The following PDE6A variants were observed in gnomAD, a reference collection of about 807,000 sequenced individuals.
PDE6A encodes the protein rod cGMP-specific 3',5'-cyclic phosphodiesterase subunit alpha.
A neutral mutation model predicts 106.3 loss-of-function variants in PDE6A; 84 were observed. That is an observed-to-expected ratio of 0.79 (90% confidence interval 0.66 to 0.95). The LOEUF is 0.95. Among genes scored for constraint, PDE6A ranks in the 40% least tolerant of loss-of-function variants. The pLI is 0.00. For missense variants in PDE6A, 1,052 were observed against 1,084.9 expected, an observed-to-expected ratio of 0.97 and a Z score of 0.43; for synonymous variants, 394 against 386.6, an observed-to-expected ratio of 1.02 and a Z score of -0.23.
intron 5 of PDE6A, among the ~76,000 whole-genome samples, chr5:149,916,281 A>C (rs1753549262): frequency 1.3e-5 from 2 of 152,190 alleles, no homozygotes; most frequent in Non-Finnish European, 2.9e-5. Flanking sequence ...CTGCGTTTTA[A>C]TTTTGACTTT....
intron 5 of PDE6A, among the ~76,000 whole-genome samples, chr5:149,917,161 T>G (rs1753582302): frequency 6.6e-6 from 1 of 152,040 alleles, no homozygotes; most frequent in Non-Finnish European, 1.5e-5. Context: ...TTTGTTTTTC[T>G]AGGAATATAT....
intron 1 of PDE6A, among the ~76,000 whole-genome samples, chr5:149,936,889 A>C (rs1305851601): frequency 3.3e-5 from 5 of 152,230 alleles, no homozygotes; most frequent in Non-Finnish European, 4.4e-5. Flanking sequence ...GCATTATCAG[A>C]GTGTCTTCCA....
chr5:149,931,948 G>A, intron 3 of PDE6A: 1 of 1,096,996 alleles, frequency 9.1e-7, no homozygotes, highest in South Asian at 1.3e-5. Flanking sequence ...AAACAAAGAA[G>A]TTTGCAAATC....
chr5:149,882,256 C>T (rs1389075979), intron 17 of PDE6A, among the ~76,000 whole-genome samples: 1 of 149,962 alleles, frequency 6.7e-6, no homozygotes, highest in Non-Finnish European at 1.5e-5. Context: ...CTTGCTGCTG[C>T]CCCCCCCGTT....
intron 17 of PDE6A, among the ~76,000 whole-genome samples, chr5:149,869,298 C>T (rs1465367953): frequency 1.4e-5 from 2 of 145,194 alleles, no homozygotes; most frequent in Admixed American, 1.4e-4. Context: ...CCACTGCACT[C>T]TAGCCTGGGC....
intron 5 of PDE6A, among the ~76,000 whole-genome samples, chr5:149,918,577 T>C (rs1255957901): frequency 2.0e-5 from 3 of 152,080 alleles, no homozygotes; most frequent in Non-Finnish European, 4.4e-5. Context: ...TACAAACCAA[T>C]TTTCTTTTTT....
At chr5:149,860,997 C>T in intron 21 of PDE6A, 26 bp from the exon 22 acceptor site, 7 of 1,607,774 alleles carry the variant, frequency 4.4e-6, no homozygotes, top group Non-Finnish European at 6.0e-6. Context: ...AAAAAGAACA[C>T]ACCAGGTGAC....
intron 13 of PDE6A, among the ~76,000 whole-genome samples, chr5:149,890,836 A>T (rs918647201): frequency 5.3e-5 from 8 of 152,270 alleles, no homozygotes; most frequent in Admixed American, 1.3e-4. Context: ...ATTGAAAATT[A>T]AAACAAATGA....
chr5:149,873,715 C>T (rs1275127820), intron 17 of PDE6A, among the ~76,000 whole-genome samples: 1 of 152,150 alleles, frequency 6.6e-6, no homozygotes, highest in Admixed American at 6.5e-5. Context: ...TACACAAACA[C>T]TGCAGTGCTA....
At chr5:149,862,725 T>C (rs1760188098) in intron 21 of PDE6A, among the ~76,000 whole-genome samples, 1 of 152,076 alleles carries the variant, frequency 6.6e-6, no homozygotes, top group Non-Finnish European at 1.5e-5. Flanking sequence ...GCCACTGCTC[T>C]CCAGCCTGGG....
intron 3 of PDE6A, 126 bp from the exon 4 acceptor site, chr5:149,931,294 A>G (rs1754028086): frequency 1.0e-5 from 9 of 875,490 alleles, no homozygotes; most frequent in Non-Finnish European, 1.5e-5. Flanking sequence ...ACAATAATCC[A>G]GAGAAATAGA....
chr5:149,902,481 A>G (rs1753013867), intron 8 of PDE6A, among the ~76,000 whole-genome samples: 1 of 150,816 alleles, frequency 6.6e-6, no homozygotes, highest in Non-Finnish European at 1.5e-5. Flanking sequence ...CTTTCACAGA[A>G]GATATCTTCC....
chr5:149,883,381 A>G, intron 17 of PDE6A, 48 bp downstream of exon 17: 1 of 1,277,822 alleles, frequency 7.8e-7, no homozygotes. Context: ...ATCTCGCCTC[A>G]TGATCCTAAG....
intron 17 of PDE6A, among the ~76,000 whole-genome samples, chr5:149,869,787 C>T (rs1188626497): frequency 6.6e-6 from 1 of 152,084 alleles, no homozygotes; most frequent in African/African-American, 2.4e-5. Flanking sequence ...GGCAGGAGAG[C>T]TGGTCTGCAG....
chr5:149,882,728 C>A (rs1453404392), intron 17 of PDE6A, among the ~76,000 whole-genome samples: 1 of 152,058 alleles, frequency 6.6e-6, no homozygotes, highest in Non-Finnish European at 1.5e-5. Context: ...AAAAATTAAG[C>A]CTATATGTTT....
intron 17 of PDE6A, among the ~76,000 whole-genome samples, chr5:149,869,594 A>G (rs1246845149): frequency 1.3e-5 from 2 of 152,232 alleles, no homozygotes; most frequent in African/African-American, 4.8e-5. Context: ...TGGGCCCTAA[A>G]TTCCATGCCA....
Position 149,887,968 on chromosome 5 carries a change from C to CTGTGTG in PDE6A, c.1729-1600_1729-1595dup, listed in dbSNP as rs113190336. Reference sequence around the variant, plus strand: ...CATTTGCTCTTGAGCCGCCCTCTTTCTGTGTGTGTGTGTGTGTGTGTCTTT... The same window carrying CTGTGTG: ...CATTTGCTCTTGAGCCGCCCTCTTTCTGTGTGTGTGTGTGTGTGTGTGTGTGTCTTT... On this transcript the variant is annotated intron_variant, in intron 13 of 21. Transcript: ENST00000255266. 9.5e-3 allele frequency among the ~76,000 whole-genome samples: 1,425 copies of CTGTGTG among 150,370 alleles called. 27 individuals carry two copies. Among genetic ancestry groups the CTGTGTG allele is most frequent in the African/African-American group, 0.033 (1,358 of 41,058 alleles).
chr5:149,884,390 G>T, intron 16 of PDE6A, 89 bp downstream of exon 16: 1 of 782,660 alleles, frequency 1.3e-6, no homozygotes, highest in Non-Finnish European at 2.2e-6. Context: ...ATATATATGT[G>T]TATATATGTA....
chr5:149,907,717 G>A (rs991906960), intron 6 of PDE6A, among the ~76,000 whole-genome samples: 2 of 152,180 alleles, frequency 1.3e-5, no homozygotes, highest in African/African-American at 4.8e-5. Context: ...ACTATGTAGA[G>A]AATGAAAAAA....
Sources: gnomAD v4.1 joint callset for allele counts (sites outside exome capture counted in the v4.1 genomes callset) on GRCh38, gnomAD v4.1.1 for gene constraint, MANE v1.5 for transcripts, NCBI Gene and HGNC (gene_info 2026-07-23, HGNC 2026-07-21) for gene names.